CHST9: variants seen among roughly 807,000 people sequenced by gnomAD.
The protein encoded by CHST9 is GalNAc-4-sulfotransferase 2.
CHST9 carries 41 observed loss-of-function variants against 44.4 expected under a neutral mutation model. The ratio of observed to expected loss-of-function variants is 0.92; its 90% confidence interval spans 0.72 to 1.20. The LOEUF is 1.20. CHST9 is among the 50% of genes most tolerant of loss of function. CHST9 has a pLI of 0.00. For synonymous variants in CHST9, 171 were observed against 178.4 expected (o/e 0.96, Z 0.33); for missense variants, 504 against 516.5 (o/e 0.98, Z 0.23).
chr18:26,916,015 T>C lies in CHST9; in HGVS notation c.*244A>G. On this transcript the variant is annotated 3_prime_UTR_variant, in exon 6 of 6. Transcript: ENST00000618847. ...TAGGTTATTGCTTCAACAATATAATTCATAATGCAAAAGCAGCTCTTTTCC... is the reference window on the plus strand; with the variant it reads ...TAGGTTATTGCTTCAACAATATAATCCATAATGCAAAAGCAGCTCTTTTCC... The C allele has an allele frequency of 2.8e-6, 1 of 353,318 alleles. No individual in the cohort carries two copies. Among genetic ancestry groups the C allele is most frequent in the South Asian group, 4.7e-5 (1 of 21,496 alleles). The allele number at this position is 353,318 out of a possible 1,614,324, so 21.9% of individuals were successfully genotyped here. A position where few individuals can be genotyped will look rare whatever the true frequency, so the allele number is the denominator to read the frequency against.
intron 5 of CHST9, among the ~76,000 whole-genome samples, chr18:26,934,100 T>G (rs536938501): frequency 3.3e-5 from 5 of 151,932 alleles, no homozygotes; most frequent in Non-Finnish European, 5.9e-5. Flanking sequence ...CGGCCCAAGA[T>G]GGGATGAAAG....
At chr18:26,937,186 A>C (rs1330778227) in intron 5 of CHST9, among the ~76,000 whole-genome samples, 1 of 152,114 alleles carries the variant, frequency 6.6e-6, no homozygotes, top group Non-Finnish European at 1.5e-5. Context: ...TGAGTTTTTA[A>C]TCTCTTTTCA....
intron 2 of CHST9, among the ~76,000 whole-genome samples, chr18:27,125,580 G>A (rs1018376096): frequency 1.4e-4 from 22 of 151,988 alleles, no homozygotes; most frequent in African/African-American, 4.6e-4. Context: ...GAATTAATGA[G>A]AAAAATTCTT....
chr18:27,029,099 G>C (rs903794720), intron 3 of CHST9, among the ~76,000 whole-genome samples: 1 of 151,962 alleles, frequency 6.6e-6, no homozygotes, highest in African/African-American at 2.4e-5. Flanking sequence ...TGGTGGGTTG[G>C]GTGTGCTGCT....
chr18:27,012,515 A>G (rs571159329), intron 4 of CHST9, among the ~76,000 whole-genome samples: 2 of 152,318 alleles, frequency 1.3e-5, no homozygotes, highest in South Asian at 2.1e-4. Context: ...TGGTCTTGCT[A>G]TCTCAGGGGT....
rs528123296 is a variant in CHST9, at chr18:27,088,076, G to T, written c.122-39573C>A. The stretch of plus-strand genomic sequence containing the variant: ...TACAATATTACATTATAGGCTCCCA[G>T]TTTATATTAGTGATAATTATCCCAA... On this transcript the variant is annotated intron_variant, in intron 2 of 5. Coordinates refer to ENST00000618847, the MANE Select transcript of CHST9 (RefSeq NM_031422.6). Among the ~76,000 whole-genome samples, 7 of 152,286 alleles carry T rather than the reference G, an allele frequency of 4.6e-5. No homozygotes were observed. In the South Asian group the frequency reaches 8.3e-4, roughly 18 times the overall value.
chr18:26,974,857 G>A (rs914782923), intron 4 of CHST9, among the ~76,000 whole-genome samples: 2 of 152,210 alleles, frequency 1.3e-5, no homozygotes, highest in African/African-American at 4.8e-5. Flanking sequence ...TGTATTTTTA[G>A]TAGGGATGGG....
At chr18:27,164,645 T>A (rs1441369796) in intron 1 of CHST9, among the ~76,000 whole-genome samples, 2 of 152,030 alleles carry the variant, frequency 1.3e-5, no homozygotes, top group East Asian at 1.9e-4. Flanking sequence ...GATAAAAAAA[T>A]AAATACACTA....
intron 2 of CHST9, among the ~76,000 whole-genome samples, chr18:27,060,380 T>C (rs1260822776): frequency 6.6e-6 from 1 of 152,048 alleles, no homozygotes; most frequent in Non-Finnish European, 1.5e-5. Flanking sequence ...TCTGGAAAAA[T>C]CTTTTATTAG....
chr18:27,051,150 T>G (rs1296535574), intron 2 of CHST9, among the ~76,000 whole-genome samples: 1 of 152,176 alleles, frequency 6.6e-6, no homozygotes, highest in Non-Finnish European at 1.5e-5. Context: ...TGGTGGCTCA[T>G]GCTTGTAATC....
At chr18:27,129,502 C>T (rs2058454190) in intron 2 of CHST9, among the ~76,000 whole-genome samples, 1 of 152,082 alleles carries the variant, frequency 6.6e-6, no homozygotes, top group Non-Finnish European at 1.5e-5. Flanking sequence ...AAGCAATTCT[C>T]CTGCCCCAGT....
chr18:27,031,874 G>A (rs978827093), intron 3 of CHST9, among the ~76,000 whole-genome samples: 1 of 152,216 alleles, frequency 6.6e-6, no homozygotes, highest in South Asian at 2.1e-4. Context: ...GGCATTGCTC[G>A]TTGGGAGGAA....
intron 2 of CHST9, among the ~76,000 whole-genome samples, chr18:27,095,940 T>C (rs1438414468): frequency 6.6e-6 from 1 of 152,030 alleles, no homozygotes; most frequent in East Asian, 1.9e-4. Context: ...TTGGACCTAA[T>C]AGACATATAC....
At chr18:27,146,373 A>G (rs971364073) in intron 1 of CHST9, among the ~76,000 whole-genome samples, 1 of 152,214 alleles carries the variant, frequency 6.6e-6, no homozygotes, top group Non-Finnish European at 1.5e-5. Context: ...CTCCCATCTC[A>G]GTCCATTAAC....
intron 1 of CHST9, among the ~76,000 whole-genome samples, chr18:27,158,271 C>G (rs1252167899): frequency 7.3e-6 from 1 of 136,862 alleles, no homozygotes; most frequent in Non-Finnish European, 1.5e-5. Flanking sequence ...CACCCCACAA[C>G]AGGCCCCAGT....
intron 2 of CHST9, among the ~76,000 whole-genome samples, chr18:27,089,055 T>A (rs2058040900): frequency 1.3e-5 from 2 of 152,258 alleles, no homozygotes; most frequent in Non-Finnish European, 2.9e-5. Context: ...AGTTTCCAAC[T>A]TCACACTATT....
intron 3 of CHST9, among the ~76,000 whole-genome samples, chr18:27,027,768 G>C (rs1172382590): frequency 6.6e-6 from 1 of 152,122 alleles, no homozygotes; most frequent in Non-Finnish European, 1.5e-5. Context: ...TAATCATCAT[G>C]TATATTTCTC....
chr18:26,995,457 A>G (rs891162628), intron 4 of CHST9, among the ~76,000 whole-genome samples: 1 of 143,160 alleles, frequency 7.0e-6, no homozygotes. Context: ...AAAAAAAAAA[A>G]GATTACTGCA....
intron 2 of CHST9, among the ~76,000 whole-genome samples, chr18:27,126,445 G>A (rs183544442): frequency 6.6e-6 from 1 of 152,076 alleles, no homozygotes; most frequent in African/African-American, 2.4e-5. Context: ...CCCTCGTGAG[G>A]GCTTCAACTG....
Sources: gnomAD v4.1 joint callset for allele counts (sites outside exome capture counted in the v4.1 genomes callset) on GRCh38, gnomAD v4.1.1 for gene constraint, MANE v1.5 for transcripts, NCBI Gene and HGNC (gene_info 2026-07-23, HGNC 2026-07-21) for gene names.